Variants in MED19 observed in about 807,000 individuals in gnomAD.
MED19 encodes the protein mediator of RNA polymerase II transcription subunit 19.
Under a neutral mutation model 19.9 loss-of-function variants are expected in MED19, and 4 were observed. The ratio of observed to expected loss-of-function variants is 0.20; its 90% confidence interval spans 0.10 to 0.46. MED19 has a LOEUF of 0.46. Among genes scored for constraint, MED19 ranks in the 20% least tolerant of loss-of-function variants. The pLI, the probability that MED19 is intolerant of heterozygous loss-of-function variation, is 0.99. For missense variants in MED19, 303 were observed against 318.7 expected (o/e 0.95, Z 0.38); for synonymous variants, 139 against 119.6 (o/e 1.16, Z -1.06).
intron 1 of MED19, among the ~76,000 whole-genome samples, chr11:57,710,730 C>T (rs1946565638): frequency 6.6e-6 from 1 of 152,068 alleles, no homozygotes; most frequent in Admixed American, 6.6e-5. Flanking sequence ...AGGGTCTCAT[C>T]TGTTGCCCAG....
At chr11:57,710,489 T>G (rs1946554289) in intron 1 of MED19, among the ~76,000 whole-genome samples, 1 of 152,242 alleles carries the variant, frequency 6.6e-6, no homozygotes, top group East Asian at 1.9e-4. Context: ...TTTTGTTCAC[T>G]TCACTGGAGT....
exon 1 of MED19, chr11:57,712,004 C>T: frequency 6.5e-7 from 1 of 1,528,470 alleles, no homozygotes; most frequent in Non-Finnish European, 8.8e-7. Context: ...ACAGCCAGCT[C>T]CTGACTTGTC....
chr11:57,705,048 C>T, exon 2 of MED19: 1 of 1,614,150 alleles, frequency 6.2e-7, no homozygotes, highest in Non-Finnish European at 8.5e-7. Flanking sequence ...GAATAGGGGG[C>T]TTCTCAATGA....
intron 1 of MED19, among the ~76,000 whole-genome samples, chr11:57,711,008 T>G (rs565281704): frequency 1.2e-3 from 185 of 152,236 alleles, no homozygotes; most frequent in African/African-American, 3.9e-3. Flanking sequence ...ATTTTTATCA[T>G]GTTTTCTTTT....
intron 3 of MED19, 25 bp downstream of exon 3, chr11:57,704,694 T>TTG: frequency 6.7e-7 from 1 of 1,487,046 alleles, no homozygotes; most frequent in Non-Finnish European, 9.1e-7. Flanking sequence ...TTTTTTTTTT[T>TTG]GCTTTGAATA....
intron 3 of MED19, 68 bp from the exon 4 acceptor site, chr11:57,704,464 G>C (rs1441302282): frequency 6.5e-7 from 1 of 1,540,456 alleles, no homozygotes; most frequent in South Asian, 1.2e-5. Context: ...AACCACTGAA[G>C]ACTACAGGAA....
chr11:57,705,134 G>A (rs1565203584), exon 2 of MED19: 1 of 1,614,172 alleles, frequency 6.2e-7, no homozygotes, highest in East Asian at 2.2e-5. Flanking sequence ...AAGTTACTTA[G>A]CTTCTCCTTC....
exon 1 of MED19, chr11:57,712,097 G>C (rs1258160379): frequency 4.6e-6 from 7 of 1,529,008 alleles, no homozygotes; most frequent in Non-Finnish European, 6.2e-6. Context: ...CGGGGGTGGA[G>C]GCTTTCCTGG....
chr11:57,707,266 CT>C (rs1273161691), intron 1 of MED19, among the ~76,000 whole-genome samples: 1 of 150,530 alleles, frequency 6.6e-6, no homozygotes, highest in Non-Finnish European at 1.5e-5. Context: ...ATGGCTGATT[CT>C]TTTTTAAAAA....
At chr11:57,704,523 C>T in intron 3 of MED19, 127 bp from the exon 4 acceptor site, 1 of 1,584,158 alleles carries the variant, frequency 6.3e-7, no homozygotes, top group Non-Finnish European at 8.5e-7. Flanking sequence ...AGAAAGGATA[C>T]AGAGGTGCTG....
chr11:57,706,151 T>C (rs974373737), intron 1 of MED19, among the ~76,000 whole-genome samples: 14 of 152,130 alleles, frequency 9.2e-5, no homozygotes, highest in African/African-American at 3.4e-4. Flanking sequence ...GGAATAAATG[T>C]TTTTTGTTTT....
chr11:57,705,876 A>G (rs1458944812), intron 1 of MED19, among the ~76,000 whole-genome samples: 1 of 152,138 alleles, frequency 6.6e-6, no homozygotes, highest in African/African-American at 2.4e-5. Flanking sequence ...TTCTCATAAA[A>G]TGTATTAGTG....
At chr11:57,704,976 G>C in exon 2 of MED19, 2 of 1,613,016 alleles carry the variant, frequency 1.2e-6, no homozygotes, top group Middle Eastern at 3.4e-4. Context: ...GACTCACCGG[G>C]CCAGTGTGGA....
At chr11:57,707,371 T>C (rs966437448) in intron 1 of MED19, among the ~76,000 whole-genome samples, 1 of 152,058 alleles carries the variant, frequency 6.6e-6, no homozygotes, top group Non-Finnish European at 1.5e-5. Context: ...ACACAGAGGG[T>C]ACAAATGACA....
exon 5 of MED19, chr11:57,703,999 G>C (rs1946478333): frequency 6.5e-7 from 1 of 1,534,968 alleles, no homozygotes; most frequent in Non-Finnish European, 8.7e-7. Flanking sequence ...GTTCAGTACA[G>C]CAGGAAAAGC....
chr11:57,710,372 T>G (rs575970663), intron 1 of MED19, among the ~76,000 whole-genome samples: 1 of 152,134 alleles, frequency 6.6e-6, no homozygotes, highest in African/African-American at 2.4e-5. Context: ...TATAAAAAAA[T>G]TTTTTAAATG....
At chr11:57,712,061 G>A (rs1946636306) in exon 1 of MED19, 1 of 1,533,114 alleles carries the variant, frequency 6.5e-7, no homozygotes, top group South Asian at 1.2e-5. Flanking sequence ...GGCCGTGCCG[G>A]GTCCCCCGCC....
At chr11:57,705,194 T>G (rs1347275559) in exon 2 of MED19, 1 of 1,614,162 alleles carries the variant, frequency 6.2e-7, no homozygotes, top group Non-Finnish European at 8.5e-7. Context: ...TTGTAGTGTG[T>G]GATCAGATTC....
At chr11:57,707,610 T>A (rs1259617175) in intron 1 of MED19, among the ~76,000 whole-genome samples, 1 of 152,200 alleles carries the variant, frequency 6.6e-6, no homozygotes, top group Non-Finnish European at 1.5e-5. Flanking sequence ...CTCAGAAGAC[T>A]GAGCGAGGGT....
Sources: gnomAD v4.1 joint callset for allele counts (sites outside exome capture counted in the v4.1 genomes callset) on GRCh38, gnomAD v4.1.1 for gene constraint, MANE v1.5 for transcripts, NCBI Gene and HGNC (gene_info 2026-07-23, HGNC 2026-07-21) for gene names.